Variants in CSMD3 observed in about 807,000 individuals in gnomAD.
CSMD3 encodes CUB and sushi domain-containing protein 3.
A neutral mutation model predicts 435.2 loss-of-function variants in CSMD3; 177 were observed. The observed-to-expected ratio is 0.41, with a 90% CI of 0.36 to 0.46. CSMD3 has a LOEUF of 0.46. CSMD3 is among the 20% of genes least tolerant of loss of function. The pLI, the probability that CSMD3 is intolerant of heterozygous loss-of-function variation, is 0.34. For synonymous variants in CSMD3, 1,656 were observed against 1,520.5 expected, an observed-to-expected ratio of 1.09 and a Z score of -2.07; for missense variants, 4,265 against 4,504.6, an observed-to-expected ratio of 0.95 and a Z score of 1.52.
chr8:113,150,562 A>C (rs2091782505), intron 4 of CSMD3, among the ~76,000 whole-genome samples: 2 of 151,958 alleles, frequency 1.3e-5, no homozygotes, highest in Non-Finnish European at 2.9e-5. Context: ...GATCCAGCTA[A>C]CCCATGCGCA....
intron 9 of CSMD3, among the ~76,000 whole-genome samples, chr8:112,944,845 T>C (rs1386259484): frequency 2.0e-5 from 3 of 151,610 alleles, no homozygotes; most frequent in Non-Finnish European, 4.4e-5. Flanking sequence ...CAAATAGATA[T>C]TTGAGATGAC....
chr8:113,091,140 G>A lies in CSMD3; in HGVS notation c.917+7616C>T, dbSNP rs997894234. Among the ~76,000 whole-genome samples, 3 of 152,010 alleles carry A rather than the reference G, an allele frequency of 2.0e-5. No homozygotes were observed. The East Asian group carries it at 5.8e-4, about 29-fold the overall frequency. On this transcript the variant is annotated intron_variant, in intron 5 of 70. Coordinates refer to ENST00000297405, the MANE Select transcript of CSMD3 (RefSeq NM_198123.2). The stretch of plus-strand genomic sequence containing the variant: ...AATTACAGAAAAAAAAATATGCCAA[G>A]CATTAGAAATTATGATTAAATTAAA...
At chr8:113,068,211 C>T (rs1053651604) in intron 5 of CSMD3, among the ~76,000 whole-genome samples, 7 of 152,026 alleles carry the variant, frequency 4.6e-5, no homozygotes, top group Non-Finnish European at 8.8e-5. Context: ...GTGAATACTA[C>T]TGTGAATTCT....
intron 9 of CSMD3, among the ~76,000 whole-genome samples, chr8:112,942,322 A>C (rs113479567): frequency 1.8e-4 from 28 of 151,836 alleles, no homozygotes; most frequent in African/African-American, 6.3e-4. Context: ...TTTCTCAAAG[A>C]ACTTAGAACT....
chr8:113,249,097 C>T (rs1163330324), intron 3 of CSMD3, among the ~76,000 whole-genome samples: 1 of 151,970 alleles, frequency 6.6e-6, no homozygotes, highest in Non-Finnish European at 1.5e-5. Flanking sequence ...CTCACAAGAT[C>T]TAATGGTCTT....
Position 112,291,559 on chromosome 8 carries a change from C to G in CSMD3, c.8925G>C (p.Leu2975Phe), listed in dbSNP as rs762528473. 6 of 1,611,626 alleles carry G rather than the reference C, an allele frequency of 3.7e-6. No homozygotes were observed. The South Asian group carries it at 6.6e-5, about 18-fold the overall frequency. The stretch of plus-strand genomic sequence containing the variant: ...CCCATTGTCCATTTGGTTGACATAT[C>G]AAAACTGAAGATCCAAATAAAAAAT... ...PGYFLFGSSV[L>F]ICQPNGQWDK... Residue 2975 changes from leucine (L) to phenylalanine (F), a missense_variant, in exon 56 of 71, where the codon TTG becomes TTC. This residue lies in a region of CSMD3 where 3,255 missense variants were observed against 3,380.2 expected (regional missense o/e 0.96). Transcript: ENST00000297405.
intron 13 of CSMD3, among the ~76,000 whole-genome samples, chr8:112,740,073 T>C (rs962410366): frequency 7.9e-5 from 12 of 151,812 alleles, no homozygotes; most frequent in African/African-American, 2.7e-4. Flanking sequence ...TAACAGAGAT[T>C]ACAGGTTGGG....
intron 13 of CSMD3, among the ~76,000 whole-genome samples, chr8:112,799,248 G>C (rs923457519): frequency 2.0e-5 from 3 of 151,238 alleles, no homozygotes; most frequent in Non-Finnish European, 4.4e-5. Context: ...CTGTCTCTCT[G>C]ACAACATCAT....
Position 113,316,641 on chromosome 8 carries a change from C to G in CSMD3, c.179-1848G>C, listed in dbSNP as rs912073009. 4.0e-5 allele frequency among the ~76,000 whole-genome samples: 6 copies of G among 151,756 alleles called. 1 individual carries two copies. The highest frequency in any genetic ancestry group is 1.5e-4 in the African/African-American group (6 of 41,256). On this transcript the variant is annotated intron_variant, in intron 1 of 70. Transcript: ENST00000297405. ...CTCGGCTCACTGCAACCTCCCCCTC[C>G]TGGGTTCAAGTGATTCTCCTGCCTC...
chr8:112,295,531 T>A (rs1326046387), intron 54 of CSMD3, among the ~76,000 whole-genome samples: 1 of 151,940 alleles, frequency 6.6e-6, no homozygotes. Context: ...ACCCTTATAA[T>A]TACAAATGTG....
chr8:113,328,019 A>G (rs900976152), intron 1 of CSMD3, among the ~76,000 whole-genome samples: 2 of 152,034 alleles, frequency 1.3e-5, no homozygotes, highest in Non-Finnish European at 2.9e-5. Flanking sequence ...AAATAAGTGA[A>G]AGCTAAGACA....
At chr8:113,239,213 C>T (rs1312583174) in intron 3 of CSMD3, among the ~76,000 whole-genome samples, 3 of 152,198 alleles carry the variant, frequency 2.0e-5, no homozygotes, top group African/African-American at 4.8e-5. Flanking sequence ...GGAAGTGCAC[C>T]ACCAGGTCTC....
At chr8:112,299,863 C>A (rs562414958) in intron 53 of CSMD3, among the ~76,000 whole-genome samples, 1 of 151,956 alleles carries the variant, frequency 6.6e-6, no homozygotes, top group South Asian at 2.1e-4. Flanking sequence ...ATGATCTTGT[C>A]TCCTTAGACT....
chr8:113,232,420 C>A (rs139093436), intron 3 of CSMD3, among the ~76,000 whole-genome samples: 8 of 151,464 alleles, frequency 5.3e-5, no homozygotes, highest in African/African-American at 1.9e-4. Flanking sequence ...TTAACGTGCA[C>A]GAAAATACAT....
At chr8:113,250,818 G>A (rs879927985) in intron 3 of CSMD3, among the ~76,000 whole-genome samples, 1 of 152,012 alleles carries the variant, frequency 6.6e-6, no homozygotes, top group Non-Finnish European at 1.5e-5. Flanking sequence ...ACCAATAGAA[G>A]AGTGACTGTT....
At chr8:112,557,009 C>G (rs115842790) in intron 24 of CSMD3, 55 bp from the exon 25 acceptor site, 1 of 1,044,880 alleles carries the variant, frequency 9.6e-7, no homozygotes, top group South Asian at 1.3e-5. Flanking sequence ...GGATTTAAAT[C>G]TATACAAATC....
chr8:112,807,488 ATAGGTAGGTAGGTAGG>A lies in CSMD3; in HGVS notation c.1860-7230_1860-7215del, dbSNP rs34951713. ...GAAGTTACTGGAGTTGCAATTCTTG[ATAGGTAGGTAGGTAGG>A]TAGGTAGGTAGGTAGGTAGGTAGGT... On this transcript the variant is annotated intron_variant, in intron 12 of 70. Coordinates refer to ENST00000297405, the MANE Select transcript of CSMD3 (RefSeq NM_198123.2). Among the ~76,000 whole-genome samples the A allele has an allele frequency of 1.5e-3, 195 of 129,254 alleles. 1 individual carries two copies. The highest frequency in any genetic ancestry group is 4.1e-3 in the Middle Eastern group (1 of 242). The allele number at this position is 129,254 out of a possible 152,430, so 84.8% of individuals were successfully genotyped here. A position where few individuals can be genotyped will look rare whatever the true frequency, so the allele number is the denominator to read the frequency against.
intron 24 of CSMD3, among the ~76,000 whole-genome samples, chr8:112,558,524 C>T (rs900174194): frequency 6.6e-6 from 1 of 151,788 alleles, no homozygotes; most frequent in African/African-American, 2.4e-5. Flanking sequence ...GTCTTTATTT[C>T]TGAAGGCTCC....
At chr8:113,022,637 T>C (rs2086723913) in intron 5 of CSMD3, among the ~76,000 whole-genome samples, 1 of 151,718 alleles carries the variant, frequency 6.6e-6, no homozygotes, top group African/African-American at 2.4e-5. Context: ...GGATTATATG[T>C]CTTAAACCAC....
Sources: allele counts gnomAD v4.1 joint callset (sites outside exome capture counted in the v4.1 genomes callset), GRCh38; gene constraint gnomAD v4.1.1; regional missense constraint gnomAD v4.1.1; transcripts MANE v1.5; gene names NCBI Gene and HGNC (gene_info 2026-07-23, HGNC 2026-07-21).